SMARCC1: variants seen among roughly 807,000 people sequenced by gnomAD.
The protein encoded by SMARCC1 is SWI/SNF related BAF chromatin remodeling complex subunit C1, also known as SWI/SNF complex subunit SMARCC1.
SMARCC1 carries 43 observed loss-of-function variants against 147.4 expected under a neutral mutation model. The observed-to-expected ratio is 0.29, with a 90% CI of 0.23 to 0.38. The LOEUF is 0.38. SMARCC1 is among the 10% of genes least tolerant of loss of function. The probability of loss-of-function intolerance (pLI) is 1.00; values close to 1 mark genes in which losing one functional copy is unlikely to be tolerated. For missense variants in SMARCC1, 1,119 were observed against 1,381.1 expected, an observed-to-expected ratio of 0.81 and a Z score of 3.01; for synonymous variants, 495 against 484.4, an observed-to-expected ratio of 1.02 and a Z score of -0.29.
chr3:47,697,723 T>A (rs1379512891), intron 11 of SMARCC1, among the ~76,000 whole-genome samples: 2 of 150,830 alleles, frequency 1.3e-5, no homozygotes, highest in African/African-American at 4.9e-5. Flanking sequence ...AAGATCAATA[T>A]CTGGACGGGC....
At chr3:47,724,141 C>T (rs1407121862) in intron 6 of SMARCC1, among the ~76,000 whole-genome samples, 1 of 152,184 alleles carries the variant, frequency 6.6e-6, no homozygotes, top group Non-Finnish European at 1.5e-5. Flanking sequence ...TCTAGCAATT[C>T]CACTGCTGGG....
intron 26 of SMARCC1, among the ~76,000 whole-genome samples, chr3:47,593,188 TTTAA>T (rs2032213796): frequency 2.2e-5 from 2 of 91,022 alleles, no homozygotes; most frequent in Non-Finnish European, 5.4e-5. Context: ...CAATCAAGGC[TTTAA>T]TTTTTTTTTT....
intron 1 of SMARCC1, among the ~76,000 whole-genome samples, chr3:47,779,004 T>C (rs969373194): frequency 7.8e-6 from 1 of 127,926 alleles, no homozygotes; most frequent in African/African-American, 3.0e-5. Context: ...AAAAGAAAAT[T>C]CCTAAATGAA....
chr3:47,776,008 C>T (rs2034970370), intron 1 of SMARCC1, among the ~76,000 whole-genome samples: 2 of 151,878 alleles, frequency 1.3e-5, no homozygotes, highest in Non-Finnish European at 2.9e-5. Flanking sequence ...ATGAGCCAGG[C>T]ATGGTGGTGC....
At chr3:47,712,874 C>T (rs1483644143) in intron 8 of SMARCC1, among the ~76,000 whole-genome samples, 1 of 152,074 alleles carries the variant, frequency 6.6e-6, no homozygotes, top group Non-Finnish European at 1.5e-5. Flanking sequence ...GTAATCATTC[C>T]CAGTTCTGAT....
At chr3:47,704,148 G>C (rs1179035491) in intron 10 of SMARCC1, among the ~76,000 whole-genome samples, 1 of 151,868 alleles carries the variant, frequency 6.6e-6, no homozygotes, top group Non-Finnish European at 1.5e-5. Context: ...CTTGGAAGAG[G>C]GCCAAGCAGG....
At chr3:47,636,250 C>T (rs1406476012) in intron 22 of SMARCC1, 114 bp from the exon 23 acceptor site, 1 of 628,648 alleles carries the variant, frequency 1.6e-6, no homozygotes, top group Non-Finnish European at 2.8e-6. Context: ...AAGAAATAGA[C>T]TAGATTCAAA....
At chr3:47,687,219 AT>A (rs1195729145) in intron 13 of SMARCC1, among the ~76,000 whole-genome samples, 1 of 152,256 alleles carries the variant, frequency 6.6e-6, no homozygotes, top group Non-Finnish European at 1.5e-5. Flanking sequence ...TTGAATACAA[AT>A]GTGATACTAA....
chr3:47,700,294 G>A (rs2033900381), intron 11 of SMARCC1, among the ~76,000 whole-genome samples: 1 of 151,984 alleles, frequency 6.6e-6, no homozygotes, highest in Admixed American at 6.6e-5. Context: ...TATGAGACCT[G>A]TAATTCACCA....
chr3:47,694,561 C>G (rs2033826221), intron 11 of SMARCC1, among the ~76,000 whole-genome samples: 1 of 152,226 alleles, frequency 6.6e-6, no homozygotes. Context: ...GATCGCACCA[C>G]TGCATTCCAG....
In SMARCC1 at chr3:47,678,192, G is replaced by C; in HGVS notation, c.1571+6C>G. 3.9e-6 allele frequency: 6 copies of C among 1,533,846 alleles called. No homozygotes were observed. Among genetic ancestry groups the C allele is most frequent in the Non-Finnish European group, 5.4e-6 (6 of 1,117,568 alleles). On this transcript the variant is annotated splice_donor_region_variant and intron_variant, in intron 16 of 27. Coordinates refer to ENST00000254480, the MANE Select transcript of SMARCC1 (RefSeq NM_003074.4). Reference sequence around the variant, plus strand: ...TAAATGTCTCAGAAAAAGTCAAACAGTTTACCTCATCACAGCACACACATC... The same window carrying C: ...TAAATGTCTCAGAAAAAGTCAAACACTTTACCTCATCACAGCACACACATC...
intron 24 of SMARCC1, among the ~76,000 whole-genome samples, chr3:47,630,894 C>A (rs1233054590): frequency 6.6e-6 from 1 of 152,068 alleles, no homozygotes; most frequent in Non-Finnish European, 1.5e-5. Flanking sequence ...GAGACCCCGT[C>A]TCTACAAAAA....
chr3:47,707,470 C>G (rs1243873382), intron 9 of SMARCC1, among the ~76,000 whole-genome samples: 1 of 151,958 alleles, frequency 6.6e-6, no homozygotes, highest in Non-Finnish European at 1.5e-5. Flanking sequence ...AGCCTGCATA[C>G]AGCAACTACC....
At chr3:47,639,760 G>A (rs1024753434) in intron 21 of SMARCC1, among the ~76,000 whole-genome samples, 2 of 113,230 alleles carry the variant, frequency 1.8e-5, no homozygotes, top group African/African-American at 2.9e-5. Context: ...CCAACCAACC[G>A]TATAAGCAAA....
intron 26 of SMARCC1, among the ~76,000 whole-genome samples, chr3:47,592,324 C>T (rs906092139): frequency 1.3e-5 from 2 of 152,196 alleles, no homozygotes; most frequent in Admixed American, 1.3e-4. Context: ...ACAGATGATA[C>T]ACAACAAATG....
At chr3:47,614,356 G>T (rs2032607945) in intron 25 of SMARCC1, among the ~76,000 whole-genome samples, 1 of 152,010 alleles carries the variant, frequency 6.6e-6, no homozygotes, top group African/African-American at 2.4e-5. Context: ...CCTGCTACTG[G>T]GTATGGCTTT....
chr3:47,764,027 T>C (rs1361134362), intron 2 of SMARCC1, among the ~76,000 whole-genome samples: 1 of 150,786 alleles, frequency 6.6e-6, no homozygotes, highest in Non-Finnish European at 1.5e-5. Context: ...CCTTTCTCTT[T>C]AGGAAAAAAA....
At chr3:47,597,979 G>T (rs148312732) in intron 26 of SMARCC1, among the ~76,000 whole-genome samples, 1,994 of 152,286 alleles carry the variant, frequency 0.013, 26 homozygotes, top group Non-Finnish European at 0.019. Context: ...TGAAGGGAAG[G>T]TATAGAACTC....
At chr3:47,770,121 G>A (rs1157278710) in intron 2 of SMARCC1, among the ~76,000 whole-genome samples, 1 of 151,932 alleles carries the variant, frequency 6.6e-6, no homozygotes, top group East Asian at 1.9e-4. Context: ...CCAGCTACTC[G>A]GGAGGCTGAG....
Sources: gnomAD v4.1 joint callset for allele counts (sites outside exome capture counted in the v4.1 genomes callset) on GRCh38, gnomAD v4.1.1 for gene constraint, MANE v1.5 for transcripts, NCBI Gene and HGNC (gene_info 2026-07-23, HGNC 2026-07-21) for gene names.